SNX29: variants seen among roughly 807,000 people sequenced by gnomAD.
The protein encoded by SNX29 is sorting nexin 29, also known as sorting nexin-29.
SNX29 carries 78 observed loss-of-function variants against 102.1 expected under a neutral mutation model. The ratio of observed to expected loss-of-function variants is 0.76; its 90% CI spans 0.64 to 0.92. SNX29 has a LOEUF of 0.92. Among genes scored for constraint, SNX29 ranks in the 40% least tolerant of loss-of-function variants. The pLI, the probability that SNX29 is intolerant of heterozygous loss-of-function variation, is 0.00. For missense variants in SNX29, 1,280 were observed against 1,061.7 expected, an observed-to-expected ratio of 1.21 and a Z score of -2.86; for synonymous variants, 580 against 414.5, an observed-to-expected ratio of 1.40 and a Z score of -4.85.
intron 19 of SNX29, among the ~76,000 whole-genome samples, chr16:12,519,701 T>A (rs570679705): frequency 6.6e-6 from 1 of 152,278 alleles, no homozygotes; most frequent in Admixed American, 6.5e-5. Context: ...TTATTTAAAA[T>A]TTTTCAGCAA....
chr16:12,530,274 T>G (rs188880063), intron 20 of SNX29, among the ~76,000 whole-genome samples: 251 of 152,252 alleles, frequency 1.6e-3, no homozygotes, highest in African/African-American at 6.0e-3. Flanking sequence ...TCACACATAG[T>G]AAGCACTGTA....
rs1567558318 is a variant in SNX29 at position 12,433,650 on chromosome 16, AGG to A, written c.2037+30122_2037+30123del. Among the ~76,000 whole-genome samples the A allele has an allele frequency of 2.5e-3, 119 of 47,952 alleles. 2 individuals are homozygous for A. Among genetic ancestry groups the A allele is most frequent in the East Asian group, 0.016 (33 of 2,098 alleles). 31.5% of individuals were successfully genotyped at this position (47,952 alleles called of 152,430 possible). A position where few individuals can be genotyped will look rare whatever the true frequency, so the allele number is the denominator to read the frequency against. ...CGTCTCAAAAAAAAAAAAAAAAAAA[AGG>A]AAACTTAGCTGGGCGTGGTGGGCGT... is the stretch of plus-strand genomic sequence containing the variant. On this transcript the variant is annotated intron_variant, in intron 18 of 20. Transcript: ENST00000566228.
At chr16:12,253,287 T>A (rs2078474942) in intron 14 of SNX29, among the ~76,000 whole-genome samples, 3 of 152,192 alleles carry the variant, frequency 2.0e-5, no homozygotes, top group Admixed American at 2.0e-4. Flanking sequence ...GTGCCTGTCA[T>A]GGGCCAGGTC....
At chr16:12,471,748 C>A (rs12600077) in intron 18 of SNX29, among the ~76,000 whole-genome samples, 97,854 of 152,120 alleles carry the variant, frequency 0.64, 32,537 homozygotes, top group African/African-American at 0.82. Context: ...TCAGGTGTAT[C>A]AATCTTAAGT....
At chr16:12,399,739 C>T (rs371755376) in intron 17 of SNX29, among the ~76,000 whole-genome samples, 2 of 151,788 alleles carry the variant, frequency 1.3e-5, no homozygotes, top group Non-Finnish European at 2.9e-5. Context: ...TCGGGGGTGG[C>T]GGTGGCTGTT....
At chr16:12,522,145 C>T (rs1476165929) in intron 19 of SNX29, among the ~76,000 whole-genome samples, 1 of 152,180 alleles carries the variant, frequency 6.6e-6, no homozygotes. Context: ...ATAAGGATGC[C>T]CAGTGAAATT....
At chr16:12,043,397 C>G (rs2049964084) in intron 5 of SNX29, among the ~76,000 whole-genome samples, 2 of 151,236 alleles carry the variant, frequency 1.3e-5, no homozygotes, top group African/African-American at 2.4e-5. Context: ...CTTTGTTGCC[C>G]AAGTTGGAGT....
chr16:12,265,822 C>G (rs1193297079), intron 14 of SNX29, among the ~76,000 whole-genome samples: 1 of 151,514 alleles, frequency 6.6e-6, no homozygotes, highest in Non-Finnish European at 1.5e-5. Context: ...CTGGGGAGGT[C>G]GAGACTGCAG....
At chr16:12,511,683 G>A (rs1032038373) in intron 19 of SNX29, among the ~76,000 whole-genome samples, 5 of 152,290 alleles carry the variant, frequency 3.3e-5, no homozygotes, top group African/African-American at 4.8e-5. Flanking sequence ...TAATGATACC[G>A]CGTGAATGCT....
intron 14 of SNX29, among the ~76,000 whole-genome samples, chr16:12,259,473 C>G (rs1451016534): frequency 1.3e-5 from 2 of 152,164 alleles, no homozygotes; most frequent in Admixed American, 6.5e-5. Context: ...GTTTCTCTGC[C>G]TCCTCCAGCC....
chr16:12,527,255 C>G (rs767898715), intron 20 of SNX29: 3 of 532,836 alleles, frequency 5.6e-6, no homozygotes, highest in Admixed American at 2.2e-5. Context: ...CCCGTGCTGA[C>G]GAATCTCCAT....
chr16:12,561,714 TTAAGTTGC>T (rs1185665349), intron 20 of SNX29, among the ~76,000 whole-genome samples: 3 of 152,114 alleles, frequency 2.0e-5, no homozygotes, highest in Non-Finnish European at 4.4e-5. Context: ...CAGTGCTGTG[TTAAGTTGC>T]TAGCAGCAGG....
At chr16:12,216,322 C>G (rs369803917) in intron 14 of SNX29, among the ~76,000 whole-genome samples, 1 of 152,310 alleles carries the variant, frequency 6.6e-6, no homozygotes, top group Non-Finnish European at 1.5e-5. Flanking sequence ...TTTGTGACCC[C>G]TCCCCTGACC....
intron 18 of SNX29, among the ~76,000 whole-genome samples, chr16:12,403,981 G>T (rs1005397114): frequency 2.0e-5 from 3 of 152,188 alleles, no homozygotes; most frequent in Non-Finnish European, 4.4e-5. Context: ...CAGCCTGGAA[G>T]GGCGGGTCTC....
intron 13 of SNX29, among the ~76,000 whole-genome samples, chr16:12,185,403 G>A (rs879749140): frequency 2.6e-5 from 4 of 152,148 alleles, no homozygotes; most frequent in African/African-American, 4.8e-5. Flanking sequence ...TAAGGGAAAT[G>A]TCCTGAATTT....
chr16:12,424,754 C>T (rs946844271), intron 18 of SNX29, among the ~76,000 whole-genome samples: 31 of 152,148 alleles, frequency 2.0e-4, no homozygotes, highest in African/African-American at 5.1e-4. Context: ...TCTTCTCCTC[C>T]GTCTCTCCCC....
At chr16:12,447,537 T>A in intron 18 of SNX29, among the ~76,000 whole-genome samples, 1 of 152,202 alleles carries the variant, frequency 6.6e-6, no homozygotes, top group East Asian at 1.9e-4. Context: ...AGCCGAGATT[T>A]CATAAATGGG....
At chr16:12,131,932 A>T (rs2054484639) in intron 13 of SNX29, among the ~76,000 whole-genome samples, 1 of 152,174 alleles carries the variant, frequency 6.6e-6, no homozygotes, top group Non-Finnish European at 1.5e-5. Flanking sequence ...TGACTGTTAT[A>T]AATAGTGTAA....
At chr16:12,352,466 C>A (rs1317873023) in intron 15 of SNX29, among the ~76,000 whole-genome samples, 1 of 151,928 alleles carries the variant, frequency 6.6e-6, no homozygotes, top group African/African-American at 2.4e-5. Context: ...TGTATACATA[C>A]GTAACAAACC....
Sources: gnomAD v4.1 joint callset for allele counts (sites outside exome capture counted in the v4.1 genomes callset) on GRCh38, gnomAD v4.1.1 for gene constraint, MANE v1.5 for transcripts, NCBI Gene and HGNC (gene_info 2026-07-23, HGNC 2026-07-21) for gene names.